TAFA2: variants seen among roughly 807,000 people sequenced by gnomAD.
TAFA2 encodes TAFA chemokine like family member 2.
In TAFA2, 7 loss-of-function variants were observed where a neutral mutation model predicts 18.8. The ratio of observed to expected loss-of-function variants is 0.37; its 90% CI spans 0.21 to 0.70. The LOEUF is 0.70. Ranked by LOEUF, TAFA2 falls within the 30% of genes least tolerant of loss-of-function variation. The probability of loss-of-function intolerance (pLI) is 0.53; values close to 1 mark genes in which losing one functional copy is unlikely to be tolerated. For synonymous variants in TAFA2, 60 were observed against 54.2 expected (o/e 1.11, Z -0.47); for missense variants, 122 against 158.1 (o/e 0.77, Z 1.23).
intron 1 of TAFA2, among the ~76,000 whole-genome samples, chr12:61,995,735 C>T (rs1880162978): frequency 6.6e-6 from 1 of 152,082 alleles, no homozygotes; most frequent in Admixed American, 6.6e-5. Context: ...AGTAGATGAG[C>T]AGTTGTTACG....
chr12:62,210,572 G>A (rs1000972259), intron 1 of TAFA2, among the ~76,000 whole-genome samples: 1 of 152,188 alleles, frequency 6.6e-6, no homozygotes, highest in Admixed American at 6.5e-5. Flanking sequence ...AAGCATCGCA[G>A]TACATGTTGT....
chr12:62,146,841 A>C (rs2062285021), intron 1 of TAFA2, among the ~76,000 whole-genome samples: 1 of 152,142 alleles, frequency 6.6e-6, no homozygotes, highest in South Asian at 2.1e-4. Flanking sequence ...CTAACCTGAT[A>C]ATCTTCTTTT....
intron 1 of TAFA2, chr12:62,135,957 G>T (rs1050694604): frequency 2.0e-5 from 3 of 152,052 alleles, no homozygotes; most frequent in Non-Finnish European, 4.4e-5. Flanking sequence ...CTCCCCATGT[G>T]TCTCAGGAGA....
chr12:62,240,602 A>G (rs1276261478), intron 1 of TAFA2, among the ~76,000 whole-genome samples: 4 of 152,194 alleles, frequency 2.6e-5, no homozygotes, highest in Non-Finnish European at 5.9e-5. Context: ...GGGAATCATG[A>G]CAACTAGTTG....
At chr12:61,920,413 T>C (rs1055320821) in intron 1 of TAFA2, among the ~76,000 whole-genome samples, 3 of 152,188 alleles carry the variant, frequency 2.0e-5, no homozygotes, top group Non-Finnish European at 4.4e-5. Context: ...ATGAAAAAGA[T>C]GGAAAGTTGG....
intron 1 of TAFA2, among the ~76,000 whole-genome samples, chr12:62,089,886 T>C (rs1363018016): frequency 6.6e-6 from 1 of 152,108 alleles, no homozygotes; most frequent in African/African-American, 2.4e-5. Flanking sequence ...TTTGCTTTAG[T>C]CCCTTAACAG....
intron 1 of TAFA2, among the ~76,000 whole-genome samples, chr12:61,921,001 C>A (rs1012314651): frequency 2.0e-5 from 3 of 151,926 alleles, no homozygotes; most frequent in Non-Finnish European, 4.4e-5. Flanking sequence ...GGTTAGAGTG[C>A]GATTGGTGGG....
chr12:61,906,929 G>C (rs933851493), intron 1 of TAFA2, among the ~76,000 whole-genome samples: 1 of 152,100 alleles, frequency 6.6e-6, no homozygotes, highest in Non-Finnish European at 1.5e-5. Context: ...TCTGGCAGAA[G>C]AAATTTCTAG....
intron 1 of TAFA2, among the ~76,000 whole-genome samples, chr12:62,180,996 C>A (rs74095707): frequency 0.013 from 1,967 of 152,294 alleles, 47 homozygotes; most frequent in African/African-American, 0.045. Context: ...AGTAGAATCA[C>A]AAGTGTATGT....
chr12:61,734,425 T>C (rs1266759045), intron 4 of TAFA2, among the ~76,000 whole-genome samples: 1 of 149,554 alleles, frequency 6.7e-6, no homozygotes. Context: ...AATGACGAGT[T>C]AATGGGTGCA....
At chr12:61,869,218 TG>T (rs1180830772) in intron 1 of TAFA2, among the ~76,000 whole-genome samples, 1 of 152,200 alleles carries the variant, frequency 6.6e-6, no homozygotes, top group African/African-American at 2.4e-5. Flanking sequence ...ATCAGACTGT[TG>T]GGGTTTAAAA....
At chr12:61,870,207 C>T (rs929473620) in intron 1 of TAFA2, among the ~76,000 whole-genome samples, 1 of 152,118 alleles carries the variant, frequency 6.6e-6, no homozygotes, top group Non-Finnish European at 1.5e-5. Flanking sequence ...AGTTAATTAC[C>T]ATGTTCCGTC....
intron 1 of TAFA2, among the ~76,000 whole-genome samples, chr12:62,233,064 C>CTTTTTTT (rs1565784732): frequency 1.3e-5 from 1 of 78,338 alleles, no homozygotes; most frequent in African/African-American, 5.5e-5. Context: ...ATTTCTGCAT[C>CTTTTTTT]TCTTTTTTTT....
chr12:62,061,148 T>A (rs970491556), intron 1 of TAFA2, among the ~76,000 whole-genome samples: 2 of 152,316 alleles, frequency 1.3e-5, no homozygotes, highest in South Asian at 2.1e-4. Context: ...CAGTGCCATA[T>A]AATAATGTCC....
upstream of TAFA2, chr12:62,259,435 A>C (rs1450577017): frequency 2.0e-5 from 3 of 152,230 alleles, no homozygotes; most frequent in African/African-American, 7.2e-5. Flanking sequence ...TGAGTGTGCT[A>C]TACTGTATAG....
At position 62,095,310 on chromosome 12, in the gene TAFA2, A is replaced by T. The variant is rs969318147; in HGVS notation, c.-2+95949T>A. Among the ~76,000 whole-genome samples the T allele has an allele frequency of 2.0e-5, 3 of 152,106 alleles. No individual in the cohort carries two copies. The South Asian group carries it at 6.2e-4, about 32-fold the overall frequency. The stretch of plus-strand genomic sequence containing the variant: ...CCACCCTGCTGGAGTTAATGTCTTA[A>T]GGGATAGACAGTCGATTAACAATTA... On this transcript the variant is annotated intron_variant, in intron 1 of 4. Transcript: ENST00000416284.
At chr12:61,981,980 C>A (rs1879651053) in intron 1 of TAFA2, among the ~76,000 whole-genome samples, 1 of 152,128 alleles carries the variant, frequency 6.6e-6, no homozygotes, top group Non-Finnish European at 1.5e-5. Context: ...AGTATAAAGA[C>A]ACATGCACAT....
intron 2 of TAFA2, among the ~76,000 whole-genome samples, chr12:61,785,365 G>GTGTGTGTT (rs1870693509): frequency 6.8e-6 from 1 of 148,036 alleles, no homozygotes; most frequent in African/African-American, 2.5e-5. Context: ...GTGTGTTTGT[G>GTGTGTGTT]TGTGTGTGTC....
intron 1 of TAFA2, among the ~76,000 whole-genome samples, chr12:61,901,923 T>C (rs1036678367): frequency 6.6e-6 from 1 of 152,160 alleles, no homozygotes; most frequent in Admixed American, 6.5e-5. Flanking sequence ...CAAATTTTTC[T>C]TATTCATTGC....
Sources: gnomAD v4.1 joint callset for allele counts (sites outside exome capture counted in the v4.1 genomes callset) on GRCh38, gnomAD v4.1.1 for gene constraint, MANE v1.5 for transcripts, NCBI Gene and HGNC (gene_info 2026-07-23, HGNC 2026-07-21) for gene names.